THSD4: variants seen among roughly 807,000 people sequenced by gnomAD.
THSD4 encodes the protein thrombospondin type-1 domain-containing protein 4.
A neutral mutation model predicts 119.0 loss-of-function variants in THSD4; 69 were observed. The observed-to-expected ratio is 0.58, with a 90% CI of 0.48 to 0.71. The LOEUF (loss-of-function observed/expected upper bound fraction) is 0.71. THSD4 is among the 30% of genes least tolerant of loss of function. The pLI is 0.00. For missense variants in THSD4, 1,393 were observed against 1,391.1 expected (o/e 1.00, Z -0.02); for synonymous variants, 524 against 540.4 (o/e 0.97, Z 0.42).
intron 7 of THSD4, among the ~76,000 whole-genome samples, chr15:71,658,363 A>G (rs190849690): frequency 1.7e-3 from 256 of 152,272 alleles, no homozygotes; most frequent in African/African-American, 5.8e-3. Flanking sequence ...AAGGACCCCT[A>G]TGAGAATGAG....
chr15:71,773,897 T>A (rs534422691), intron 17 of THSD4, among the ~76,000 whole-genome samples: 17 of 152,304 alleles, frequency 1.1e-4, no homozygotes, highest in African/African-American at 3.4e-4. Context: ...TGATAGCATC[T>A]TAAAATCAAA....
At chr15:71,536,036 T>G (rs2048684915) in intron 7 of THSD4, among the ~76,000 whole-genome samples, 1 of 152,230 alleles carries the variant, frequency 6.6e-6, no homozygotes, top group African/African-American at 2.4e-5. Flanking sequence ...CTGTGTTTCC[T>G]TCTAAGAGTT....
intron 6 of THSD4, among the ~76,000 whole-genome samples, chr15:71,336,764 G>A (rs1304350294): frequency 6.6e-6 from 1 of 152,182 alleles, no homozygotes; most frequent in African/African-American, 2.4e-5. Flanking sequence ...GCAGTAAATG[G>A]ATTTAACCCC....
At chr15:71,768,560 ATTTTTTTTTTTTT>A (rs964263863) in intron 16 of THSD4, among the ~76,000 whole-genome samples, 1 of 99,280 alleles carries the variant, frequency 1.0e-5, no homozygotes, top group Non-Finnish European at 1.9e-5. Context: ...GCAGATCCTG[ATTTTTTTTTTTTT>A]TTTTTTTTTT....
chr15:71,603,203 C>T (rs967136983), intron 7 of THSD4, among the ~76,000 whole-genome samples: 3 of 152,138 alleles, frequency 2.0e-5, no homozygotes, highest in African/African-American at 7.2e-5. Flanking sequence ...TGTCACACCA[C>T]CAGGAATGAT....
chr15:71,347,401 T>C (rs1396428963), intron 6 of THSD4, among the ~76,000 whole-genome samples: 1 of 152,192 alleles, frequency 6.6e-6, no homozygotes, highest in Admixed American at 6.5e-5. Context: ...CACCTTGCCC[T>C]GGGCCACTGC....
chr15:71,317,516 T>C (rs1311634990), intron 6 of THSD4, among the ~76,000 whole-genome samples: 3 of 152,154 alleles, frequency 2.0e-5, no homozygotes, highest in African/African-American at 7.2e-5. Context: ...TTCACTATCA[T>C]GAGAACAGCA....
chr15:71,181,248 A>G (rs1301916102), intron 3 of THSD4, among the ~76,000 whole-genome samples: 1 of 152,244 alleles, frequency 6.6e-6, no homozygotes, highest in Non-Finnish European at 1.5e-5. Context: ...ATTTCTACTT[A>G]TGAAAAAAAT....
At chr15:71,254,064 A>G (rs1186921004) in intron 5 of THSD4, among the ~76,000 whole-genome samples, 1 of 152,240 alleles carries the variant, frequency 6.6e-6, no homozygotes, top group Non-Finnish European at 1.5e-5. Flanking sequence ...TACAGCTTCC[A>G]GTTCTGGTAA....
chr15:71,156,280 G>A (rs1394686143), intron 3 of THSD4, among the ~76,000 whole-genome samples: 1 of 148,670 alleles, frequency 6.7e-6, no homozygotes. Context: ...TTTTTGAGAT[G>A]GAGTTTCGCT....
chr15:71,635,111 C>T (rs2050714480), intron 7 of THSD4, among the ~76,000 whole-genome samples: 1 of 152,146 alleles, frequency 6.6e-6, no homozygotes, highest in African/African-American at 2.4e-5. Flanking sequence ...TATGCACTGC[C>T]CATTAATTAA....
chr15:71,736,416 G>A (rs1173788061), intron 10 of THSD4, among the ~76,000 whole-genome samples: 5 of 114,088 alleles, frequency 4.4e-5, no homozygotes, highest in Non-Finnish European at 9.3e-5. Context: ...TGACTGTCTC[G>A]CTCTCTTGCT....
At chr15:71,165,491 T>G in intron 3 of THSD4, 1 of 1,106,864 alleles carries the variant, frequency 9.0e-7, no homozygotes, top group Non-Finnish European at 1.3e-6. Flanking sequence ...TGGCGCTGTC[T>G]CTGTGGAGCT....
intron 7 of THSD4, among the ~76,000 whole-genome samples, chr15:71,523,561 A>G (rs1265250621): frequency 6.6e-6 from 1 of 152,170 alleles, no homozygotes; most frequent in Admixed American, 6.5e-5. Context: ...TACTGCAATG[A>G]TGCTGATGTA....
chr15:71,555,280 A>T (rs1243965562), intron 7 of THSD4, among the ~76,000 whole-genome samples: 1 of 152,200 alleles, frequency 6.6e-6, no homozygotes, highest in East Asian at 1.9e-4. Context: ...AGAATGTAAA[A>T]GTTCTCAATG....
At position 71,564,054 on chromosome 15, in the gene THSD4, C is replaced by A. The variant is rs566248484; in HGVS notation, c.1153-96476C>A. Reference sequence around the variant, plus strand: ...AAAACTAAATAGTTTTTTGCAGCATCGTAGAATAGATTAGAAACCAAGACT... The same window carrying A: ...AAAACTAAATAGTTTTTTGCAGCATAGTAGAATAGATTAGAAACCAAGACT... On this transcript the variant is annotated intron_variant, in intron 7 of 17. Coordinates refer to ENST00000261862, the MANE Select transcript of THSD4 (RefSeq NM_024817.3). 5.7e-4 allele frequency among the ~76,000 whole-genome samples: 87 copies of A among 152,182 alleles called. 1 individual carries two copies. The highest frequency in any genetic ancestry group is 1.6e-3 in the African/African-American group (67 of 41,516).
chr15:71,392,096 G>A (rs774158900), intron 6 of THSD4, among the ~76,000 whole-genome samples: 1 of 152,184 alleles, frequency 6.6e-6, no homozygotes, highest in Admixed American at 6.5e-5. Context: ...TCTGACGACA[G>A]CCCAAGATCA....
chr15:71,142,246 G>A (rs1336819338), intron 2 of THSD4, among the ~76,000 whole-genome samples: 1 of 151,816 alleles, frequency 6.6e-6, no homozygotes, highest in African/African-American at 2.4e-5. Flanking sequence ...GGCAAGTTGA[G>A]TAAGTACTAT....
chr15:71,151,387 T>C (rs1287644035), intron 2 of THSD4, among the ~76,000 whole-genome samples: 1 of 152,130 alleles, frequency 6.6e-6, no homozygotes, highest in East Asian at 1.9e-4. Context: ...AGCTTTTTTT[T>C]TTTTTAACAA....
Sources: allele counts gnomAD v4.1 joint callset (sites outside exome capture counted in the v4.1 genomes callset), GRCh38; gene constraint gnomAD v4.1.1; transcripts MANE v1.5; gene names NCBI Gene and HGNC (gene_info 2026-07-23, HGNC 2026-07-21).